LARP1: variants seen among roughly 807,000 people sequenced by gnomAD.
LARP1 encodes the protein la-related protein 1.
A neutral mutation model predicts 122.7 loss-of-function variants in LARP1; 36 were observed. The observed-to-expected ratio is 0.29, with a 90% CI of 0.22 to 0.39. The LOEUF (loss-of-function observed/expected upper bound fraction) is 0.39. Among genes scored for constraint, LARP1 ranks in the 10% least tolerant of loss-of-function variants. LARP1 has a pLI of 1.00. For synonymous variants in LARP1, 539 were observed against 528.7 expected, an observed-to-expected ratio of 1.02 and a Z score of -0.27; for missense variants, 1,040 against 1,403.6, an observed-to-expected ratio of 0.74 and a Z score of 4.14.
Position 154,755,804 on chromosome 5 carries a change from T to C in LARP1, c.47T>C (p.Leu16Ser). The C allele has an allele frequency of 1.0e-6, 1 of 991,196 alleles. No homozygotes were observed. The highest frequency in any genetic ancestry group is 1.2e-6 in the Non-Finnish European group (1 of 833,608). 61.4% of individuals were successfully genotyped at this position (991,196 alleles called of 1,614,324 possible). Residue 16 changes from leucine to serine, a missense_variant, in exon 1 of 19, where the codon TTG becomes TCG. Around this residue, in one of 8 missense-constraint regions of LARP1, gnomAD observed 257 missense variants for 273.3 expected, o/e 0.94. Coordinates refer to ENST00000518297, the MANE Select transcript of LARP1 (RefSeq NM_033551.3). ...CTGCTGCCTGGGGGCGCCACGCTCT[T>C]GCAGGCCGAAGAGCACGGGGGGCTG... The part of the protein sequence containing the change: ...EPLLPGGATL[L>S]QAEEHGGLVR...
At chr5:154,710,008 G>A (rs779002644), upstream of LARP1, among the ~76,000 whole-genome samples, 7 of 152,178 alleles carry the variant, frequency 4.6e-5, no homozygotes, top group Non-Finnish European at 8.8e-5. Flanking sequence ...GCCATATGCA[G>A]TTCACAATAG....
At chr5:154,710,562 T>C (rs189018609), upstream of LARP1, among the ~76,000 whole-genome samples, 1 of 151,912 alleles carries the variant, frequency 6.6e-6, no homozygotes, top group Non-Finnish European at 1.5e-5. Context: ...ACCGACATGG[T>C]GAAACCCTGT....
At chr5:154,805,493 A>G (rs1049171810) in intron 14 of LARP1, among the ~76,000 whole-genome samples, 1 of 152,242 alleles carries the variant, frequency 6.6e-6, no homozygotes. Context: ...GCGTGGATCC[A>G]TGCATTTCAA....
At chr5:154,754,552 A>T (rs548980604), upstream of LARP1, among the ~76,000 whole-genome samples, 1 of 152,250 alleles carries the variant, frequency 6.6e-6, no homozygotes. Flanking sequence ...GAAAGAAAAG[A>T]CATTTCCTGC....
intron 1 of LARP1, among the ~76,000 whole-genome samples, chr5:154,789,259 G>A (rs1204846557): frequency 1.6e-5 from 2 of 121,596 alleles, no homozygotes; most frequent in Non-Finnish European, 1.6e-5. Flanking sequence ...TTGCTCCGTC[G>A]CCCAGGCTGG....
At chr5:154,734,120 TC>T (rs1359247581) in intron 1 of LARP1, among the ~76,000 whole-genome samples, 14 of 150,728 alleles carry the variant, frequency 9.3e-5, no homozygotes, top group African/African-American at 3.2e-4. Flanking sequence ...TGAGCCGAGA[TC>T]ACGCTATTGT....
intron 1 of LARP1, among the ~76,000 whole-genome samples, chr5:154,765,611 C>T (rs1445670957): frequency 6.6e-6 from 1 of 152,166 alleles, no homozygotes; most frequent in Admixed American, 6.6e-5. Context: ...CCAGGCTGGT[C>T]TTAAACTCCT....
At chr5:154,687,056 G>A (rs1462703200) in intron 1 of LARP1, among the ~76,000 whole-genome samples, 1 of 152,238 alleles carries the variant, frequency 6.6e-6, no homozygotes, top group East Asian at 1.9e-4. Context: ...AGAGGCAGGG[G>A]TGGGTCTGGG....
At chr5:154,789,219 CTTTT>C (rs757782683) in intron 1 of LARP1, among the ~76,000 whole-genome samples, 3 of 91,378 alleles carry the variant, frequency 3.3e-5, no homozygotes, top group South Asian at 3.9e-4. Flanking sequence ...TCAAAACAAA[CTTTT>C]TTTTTTTTTT....
chr5:154,694,197 C>A (rs955019028), intron 1 of LARP1, among the ~76,000 whole-genome samples: 5 of 152,044 alleles, frequency 3.3e-5, no homozygotes, highest in African/African-American at 1.2e-4. Flanking sequence ...AGATGTGATT[C>A]TTGATTATAT....
At chr5:154,749,773 G>C (rs2113505277) in intron 1 of LARP1, among the ~76,000 whole-genome samples, 1 of 152,310 alleles carries the variant, frequency 6.6e-6, no homozygotes, top group South Asian at 2.1e-4. Flanking sequence ...TAAGTGATTA[G>C]TGCAAGCTCT....
intron 8 of LARP1, among the ~76,000 whole-genome samples, chr5:154,798,478 G>A (rs947177349): frequency 5.3e-5 from 8 of 152,182 alleles, no homozygotes; most frequent in African/African-American, 9.7e-5. Context: ...TCACCATTGT[G>A]TGGAATGCTC....
chr5:154,797,237 T>G (rs1214517524), intron 8 of LARP1, among the ~76,000 whole-genome samples: 2 of 133,924 alleles, frequency 1.5e-5, no homozygotes, highest in African/African-American at 2.8e-5. Flanking sequence ...TTTTTTTTTT[T>G]TTTTTTTTTT....
intron 9 of LARP1, 34 bp from the exon 10 acceptor site, chr5:154,799,839 G>A: frequency 1.2e-6 from 2 of 1,611,696 alleles, no homozygotes; most frequent in Middle Eastern, 1.7e-4. Context: ...GAGGAGGACT[G>A]GAGGGATGAG....
chr5:154,776,392 G>A (rs1375318071), intron 1 of LARP1, among the ~76,000 whole-genome samples: 1 of 152,154 alleles, frequency 6.6e-6, no homozygotes, highest in East Asian at 1.9e-4. Context: ...GTTGGTTCCT[G>A]GTGCTGGAGA....
At chr5:154,724,156 T>C (rs960454763) in intron 1 of LARP1, among the ~76,000 whole-genome samples, 5 of 152,252 alleles carry the variant, frequency 3.3e-5, no homozygotes, top group Admixed American at 1.3e-4. Context: ...GAAAGAAAGC[T>C]GGAATAAGGC....
chr5:154,765,619 C>T (rs971741983), intron 1 of LARP1, among the ~76,000 whole-genome samples: 1 of 152,134 alleles, frequency 6.6e-6, no homozygotes, highest in East Asian at 1.9e-4. Context: ...GTCTTAAACT[C>T]CTAGGCTCAA....
At chr5:154,761,068 C>A (rs1353495587) in intron 1 of LARP1, among the ~76,000 whole-genome samples, 1 of 152,168 alleles carries the variant, frequency 6.6e-6, no homozygotes, top group Non-Finnish European at 1.5e-5. Flanking sequence ...TGCACTTGAT[C>A]TTAGCCAAAA....
At chr5:154,712,836 C>A, upstream of LARP1, 1 of 1,183,892 alleles carries the variant, frequency 8.4e-7, no homozygotes, top group Non-Finnish European at 1.2e-6. Flanking sequence ...ACCTGGAGAG[C>A]TCCCGGGCCA....
Sources: gnomAD v4.1 joint callset for allele counts (sites outside exome capture counted in the v4.1 genomes callset) on GRCh38, gnomAD v4.1.1 for gene constraint, gnomAD v4.1.1 regional missense constraint, MANE v1.5 for transcripts, NCBI Gene and HGNC (gene_info 2026-07-23, HGNC 2026-07-21) for gene names.